Variants in CNTNAP2 observed in about 807,000 individuals in gnomAD.
The protein encoded by CNTNAP2 is contactin associated protein 2, also known as contactin-associated protein-like 2.
A neutral mutation model predicts 155.2 loss-of-function variants in CNTNAP2; 98 were observed. The observed-to-expected ratio is 0.63, with a 90% confidence interval of 0.54 to 0.75. CNTNAP2 has a LOEUF of 0.75. CNTNAP2 is among the 30% of genes least tolerant of loss of function. The pLI, the probability that CNTNAP2 is intolerant of heterozygous loss-of-function variation, is 0.00. For missense variants in CNTNAP2, 1,727 were observed against 1,688.1 expected (o/e 1.02, Z -0.40); for synonymous variants, 651 against 631.2 (o/e 1.03, Z -0.47).
intron 15 of CNTNAP2, among the ~76,000 whole-genome samples, chr7:148,106,444 C>T (rs1386252830): frequency 6.7e-6 from 1 of 149,288 alleles, no homozygotes; most frequent in East Asian, 2.0e-4. Context: ...TTGTCATTCC[C>T]CAGAGTCACC....
At chr7:146,527,502 G>C (rs189907060) in intron 1 of CNTNAP2, among the ~76,000 whole-genome samples, 1 of 150,072 alleles carries the variant, frequency 6.7e-6, no homozygotes, top group African/African-American at 2.5e-5. Flanking sequence ...CATATGTCTG[G>C]AATTTATCTT....
chr7:147,933,726 G>A (rs1800552465), intron 14 of CNTNAP2, among the ~76,000 whole-genome samples: 1 of 152,066 alleles, frequency 6.6e-6, no homozygotes. Context: ...AACCAGGCAT[G>A]GTGGTGGGTG....
At chr7:146,634,809 A>G (rs1799570922) in intron 1 of CNTNAP2, among the ~76,000 whole-genome samples, 1 of 152,234 alleles carries the variant, frequency 6.6e-6, no homozygotes, top group East Asian at 1.9e-4. Context: ...ATAATTTCTT[A>G]AAATCGCAAA....
chr7:146,228,236 C>A (rs1343613766), intron 1 of CNTNAP2, among the ~76,000 whole-genome samples: 1 of 152,168 alleles, frequency 6.6e-6, no homozygotes, highest in East Asian at 1.9e-4. Context: ...TAGTTTAAAT[C>A]TTTGTTTAGT....
At chr7:146,431,862 G>A (rs1257325120) in intron 1 of CNTNAP2, among the ~76,000 whole-genome samples, 2 of 151,964 alleles carry the variant, frequency 1.3e-5, no homozygotes, top group Non-Finnish European at 2.9e-5. Flanking sequence ...TTATCCTTCT[G>A]GCTCCAGGTT....
intron 13 of CNTNAP2, among the ~76,000 whole-genome samples, chr7:147,889,252 CAA>C (rs954802193): frequency 5.7e-4 from 86 of 151,524 alleles, no homozygotes; most frequent in African/African-American, 1.7e-3. Flanking sequence ...AAAAAGCAAA[CAA>C]GAGAGAAAAA....
At chr7:147,383,675 G>T (rs1584915126) in intron 9 of CNTNAP2, among the ~76,000 whole-genome samples, 1 of 151,972 alleles carries the variant, frequency 6.6e-6, no homozygotes. Flanking sequence ...TACATGTGGG[G>T]CTTAAAACCT....
At chr7:147,038,256 G>A (rs112660371) in intron 3 of CNTNAP2, among the ~76,000 whole-genome samples, 13 of 152,180 alleles carry the variant, frequency 8.5e-5, no homozygotes, top group African/African-American at 1.9e-4. Flanking sequence ...CATAAGTAAA[G>A]CAAAGGCAAA....
chr7:146,970,165 C>G (rs1028098984), intron 3 of CNTNAP2, among the ~76,000 whole-genome samples: 1 of 152,086 alleles, frequency 6.6e-6, no homozygotes, highest in Non-Finnish European at 1.5e-5. Context: ...GACTTCATGT[C>G]CAAAACACCA....
chr7:147,969,180 G>A (rs752246849), intron 14 of CNTNAP2, among the ~76,000 whole-genome samples: 3 of 147,328 alleles, frequency 2.0e-5, no homozygotes, highest in Non-Finnish European at 3.0e-5. Flanking sequence ...CTCTTGAGTA[G>A]CTGGGACGAC....
At chr7:147,923,411 G>A (rs1800320354) in intron 14 of CNTNAP2, among the ~76,000 whole-genome samples, 1 of 152,174 alleles carries the variant, frequency 6.6e-6, no homozygotes, top group Admixed American at 6.5e-5. Context: ...TTTAAGTGAT[G>A]TGTCTACCTT....
chr7:147,453,414 G>T (rs1018216355), intron 10 of CNTNAP2, among the ~76,000 whole-genome samples: 2 of 152,092 alleles, frequency 1.3e-5, no homozygotes, highest in Non-Finnish European at 2.9e-5. Flanking sequence ...GTGATAGGTG[G>T]TCTCCCCATT....
intron 21 of CNTNAP2, among the ~76,000 whole-genome samples, chr7:148,371,311 A>G (rs922774510): frequency 1.2e-4 from 19 of 152,186 alleles, no homozygotes; most frequent in Admixed American, 6.5e-5. Flanking sequence ...TTGGTATTGA[A>G]GGTGATTGGG....
intron 13 of CNTNAP2, among the ~76,000 whole-genome samples, chr7:147,860,403 A>G (rs1013102948): frequency 4.6e-5 from 7 of 152,130 alleles, no homozygotes; most frequent in African/African-American, 1.7e-4. Flanking sequence ...CAACCTGGGC[A>G]ACAGAGTGAG....
intron 15 of CNTNAP2, among the ~76,000 whole-genome samples, chr7:148,114,890 C>A (rs1449716878): frequency 1.3e-5 from 2 of 152,320 alleles, no homozygotes; most frequent in East Asian, 1.9e-4. Flanking sequence ...AGTGATCACC[C>A]TTGGCACCTC....
At chr7:147,349,317 C>A (rs928886274) in intron 9 of CNTNAP2, among the ~76,000 whole-genome samples, 1 of 151,814 alleles carries the variant, frequency 6.6e-6, no homozygotes, top group Admixed American at 6.6e-5. Context: ...ACAAAAGATA[C>A]TATTAGCAGC....
At chr7:146,268,000 T>C (rs1408888167) in intron 1 of CNTNAP2, among the ~76,000 whole-genome samples, 2 of 152,152 alleles carry the variant, frequency 1.3e-5, no homozygotes, top group Non-Finnish European at 2.9e-5. Flanking sequence ...CAAGAGAAAT[T>C]AGAATTTATA....
chr7:147,697,406 A>G (rs1796177498), intron 13 of CNTNAP2, among the ~76,000 whole-genome samples: 1 of 151,990 alleles, frequency 6.6e-6, no homozygotes, highest in Non-Finnish European at 1.5e-5. Context: ...GATCTCGCCA[A>G]CTGTGGTTTT....
chr7:146,943,508 C>T (rs1034457510), intron 3 of CNTNAP2, among the ~76,000 whole-genome samples: 4 of 151,922 alleles, frequency 2.6e-5, no homozygotes, highest in African/African-American at 7.3e-5. Flanking sequence ...ACAAAGCAAA[C>T]AAAGAAAAAG....
Sources: gnomAD v4.1 joint callset for allele counts (sites outside exome capture counted in the v4.1 genomes callset) on GRCh38, gnomAD v4.1.1 for gene constraint, MANE v1.5 for transcripts, NCBI Gene and HGNC (gene_info 2026-07-23, HGNC 2026-07-21) for gene names.